Variants in SLC44A5 observed in about 807,000 individuals in gnomAD.
SLC44A5 encodes solute carrier family 44 member 5.
In SLC44A5, 57 loss-of-function variants were observed where a neutral mutation model predicts 101.8. That is an observed-to-expected ratio of 0.56 (90% CI 0.45 to 0.70). The LOEUF (loss-of-function observed/expected upper bound fraction) is 0.70, where lower values mean the gene tolerates loss of function less well. Ranked by LOEUF, SLC44A5 falls within the 30% of genes least tolerant of loss-of-function variation. The pLI, the probability that SLC44A5 is intolerant of heterozygous loss-of-function variation, is 0.00. For missense variants in SLC44A5, 737 were observed against 853.1 expected, an observed-to-expected ratio of 0.86 and a Z score of 1.70; for synonymous variants, 281 against 290.9, an observed-to-expected ratio of 0.97 and a Z score of 0.35.
chr1:75,318,395 G>C (rs1208927384), intron 4 of SLC44A5, among the ~76,000 whole-genome samples: 1 of 147,788 alleles, frequency 6.8e-6, no homozygotes, highest in Non-Finnish European at 1.5e-5. Context: ...AAGAAAGAAA[G>C]AAAGAAAGAA....
the SLC44A5 span, among the ~76,000 whole-genome samples, chr1:75,709,362 G>A: frequency 1.3e-5 from 2 of 152,022 alleles, no homozygotes; most frequent in Admixed American, 1.3e-4. Flanking sequence ...ATAGGAAGGC[G>A]GTATTATTAC....
At chr1:75,227,244 G>T (rs1647221457) in intron 13 of SLC44A5, among the ~76,000 whole-genome samples, 1 of 151,990 alleles carries the variant, frequency 6.6e-6, no homozygotes, top group South Asian at 2.1e-4. Flanking sequence ...ACACATCTGT[G>T]GTCCTAGCTA....
In SLC44A5 at chr1:75,222,250, C is replaced by G. The variant is rs924620992; in HGVS notation, c.1085+111G>C. 12 of 809,572 alleles carry G rather than the reference C, an allele frequency of 1.5e-5. No individual in the cohort carries two copies. The Middle Eastern group carries it at 9.1e-4, about 61-fold the overall frequency. The allele number at this position is 809,572 out of a possible 1,614,324, so 50.1% of individuals were successfully genotyped here. A position where few individuals can be genotyped will look rare whatever the true frequency, so the allele number is the denominator to read the frequency against. On this transcript the variant is annotated intron_variant, in intron 14 of 23. Coordinates refer to ENST00000370859, the MANE Select transcript of SLC44A5 (RefSeq NM_001130058.2). ...GGATTACAGGTGTGAACCACCGCGC[C>G]CAGCAAAAAGTGTTCTTAAAAGGAA...
At chr1:75,515,552 T>C (rs894555951) in intron 2 of SLC44A5, among the ~76,000 whole-genome samples, 1 of 152,244 alleles carries the variant, frequency 6.6e-6, no homozygotes, top group Admixed American at 6.5e-5. Flanking sequence ...GCCTGACTTA[T>C]TTCACTCAGC....
At chr1:75,459,541 G>A (rs1666380332) in intron 2 of SLC44A5, among the ~76,000 whole-genome samples, 1 of 152,132 alleles carries the variant, frequency 6.6e-6, no homozygotes, top group African/African-American at 2.4e-5. Flanking sequence ...TGCAAGAAAG[G>A]TATGGTAATT....
the SLC44A5 span, among the ~76,000 whole-genome samples, chr1:75,670,825 A>T: frequency 1.3e-5 from 2 of 152,232 alleles, no homozygotes; most frequent in South Asian, 2.1e-4. Context: ...TAATAGGGAC[A>T]GTTGTCTTAC....
At chr1:75,300,961 A>G (rs1222290758) in intron 4 of SLC44A5, among the ~76,000 whole-genome samples, 2 of 152,228 alleles carry the variant, frequency 1.3e-5, no homozygotes, top group Non-Finnish European at 2.9e-5. Context: ...TAAAGATTAG[A>G]GTATGCCAAC....
At chr1:75,276,625 A>C (rs1319336072) in intron 5 of SLC44A5, among the ~76,000 whole-genome samples, 1 of 152,206 alleles carries the variant, frequency 6.6e-6, no homozygotes. Context: ...AAAGAAGATA[A>C]TGAAAATAGA....
At chr1:75,526,520 C>T (rs116270172) in intron 2 of SLC44A5, among the ~76,000 whole-genome samples, 1,913 of 152,244 alleles carry the variant, frequency 0.013, 44 homozygotes, top group African/African-American at 0.044. Flanking sequence ...GAAGATCCCC[C>T]ATTCATATTA....
chr1:75,649,060 C>G, the SLC44A5 span, among the ~76,000 whole-genome samples: 1 of 152,162 alleles, frequency 6.6e-6, no homozygotes, highest in Non-Finnish European at 1.5e-5. Context: ...GTAACTAACT[C>G]TGTGCCTAGT....
rs1656652134 is a variant in SLC44A5 at position 75,327,013 on chromosome 1, TA to T, written c.101+12568del. 3.3e-5 allele frequency among the ~76,000 whole-genome samples: 5 copies of T among 152,222 alleles called. No individual in the cohort carries two copies. In the South Asian group the frequency reaches 1.0e-3, roughly 32 times the overall value. On this transcript the variant is annotated intron_variant, in intron 4 of 23. Coordinates refer to ENST00000370859, the MANE Select transcript of SLC44A5 (RefSeq NM_001130058.2). ...TAAGGTACATGTAAATCAACTATGG[TA>T]TGAACTTTTTTACTTTAAACTTTGA...
intron 1 of SLC44A5, among the ~76,000 whole-genome samples, chr1:75,578,408 G>A (rs561569112): frequency 6.6e-6 from 1 of 152,100 alleles, no homozygotes; most frequent in African/African-American, 2.4e-5. Context: ...ATAGATGATT[G>A]ATAGAGATAG....
chr1:75,598,275 A>C (rs186444963), intron 1 of SLC44A5, among the ~76,000 whole-genome samples: 4 of 152,170 alleles, frequency 2.6e-5, no homozygotes, highest in African/African-American at 9.7e-5. Context: ...CCAAAAAAAA[A>C]CAGATGCTGG....
chr1:75,567,200 A>G (rs1228005558), intron 1 of SLC44A5, among the ~76,000 whole-genome samples: 14 of 151,536 alleles, frequency 9.2e-5, no homozygotes, highest in Non-Finnish European at 1.8e-4. Flanking sequence ...CTCAGGGATA[A>G]CTTTTTGCAC....
At chr1:75,367,022 A>G (rs1450037208) in intron 3 of SLC44A5, among the ~76,000 whole-genome samples, 1 of 152,202 alleles carries the variant, frequency 6.6e-6, no homozygotes, top group African/African-American at 2.4e-5. Flanking sequence ...GATAATTTGT[A>G]GATCATCATT....
chr1:75,646,438 G>T, the SLC44A5 span, among the ~76,000 whole-genome samples: 1 of 152,118 alleles, frequency 6.6e-6, no homozygotes, highest in Non-Finnish European at 1.5e-5. Flanking sequence ...GTCTTAACGT[G>T]ACATGAGAAC....
chr1:75,212,448 G>A (rs1418434424), intron 22 of SLC44A5, among the ~76,000 whole-genome samples: 1 of 151,980 alleles, frequency 6.6e-6, no homozygotes, highest in African/African-American at 2.4e-5. Flanking sequence ...GCAGCATTTG[G>A]TTTTCTCTTC....
At chr1:75,338,832 A>AT (rs1287739105) in intron 4 of SLC44A5, among the ~76,000 whole-genome samples, 2 of 152,210 alleles carry the variant, frequency 1.3e-5, no homozygotes, top group Non-Finnish European at 2.9e-5. Flanking sequence ...GCTGATCGCT[A>AT]GTTCACATCA....
At chr1:75,546,790 G>C (rs1671675208) in intron 1 of SLC44A5, among the ~76,000 whole-genome samples, 1 of 151,984 alleles carries the variant, frequency 6.6e-6, no homozygotes, top group South Asian at 2.1e-4. Context: ...ATTATATTAA[G>C]GGTCTTCAGA....
Sources: allele counts gnomAD v4.1 joint callset (sites outside exome capture counted in the v4.1 genomes callset), GRCh38; gene constraint gnomAD v4.1.1; transcripts MANE v1.5; gene names NCBI Gene and HGNC (gene_info 2026-07-23, HGNC 2026-07-21).